Variants in ARHGAP24 observed in about 807,000 individuals in gnomAD.
ARHGAP24 encodes Rho GTPase activating protein 24.
Under a neutral mutation model 76.4 loss-of-function variants are expected in ARHGAP24, and 50 were observed. That is an observed-to-expected ratio of 0.65 (90% CI 0.52 to 0.83). The LOEUF (loss-of-function observed/expected upper bound fraction) is 0.83, where lower values mean the gene tolerates loss of function less well. Ranked by LOEUF, ARHGAP24 falls within the 40% of genes least tolerant of loss-of-function variation. The probability of loss-of-function intolerance (pLI) is 0.00; values close to 1 mark genes in which losing one functional copy is unlikely to be tolerated. For synonymous variants in ARHGAP24, 345 were observed against 323.3 expected, an observed-to-expected ratio of 1.07 and a Z score of -0.72; for missense variants, 930 against 914.2, an observed-to-expected ratio of 1.02 and a Z score of -0.22.
chr4:85,674,022 T>G (rs1722893647), intron 2 of ARHGAP24, among the ~76,000 whole-genome samples: 1 of 152,130 alleles, frequency 6.6e-6, no homozygotes, highest in Non-Finnish European at 1.5e-5. Context: ...TCATGATGTC[T>G]TACACTAGCC....
At chr4:85,723,721 C>T (rs1295888112) in intron 3 of ARHGAP24, 1 of 152,120 alleles carries the variant, frequency 6.6e-6, no homozygotes, top group African/African-American at 2.4e-5. Context: ...AGAAGTGTTC[C>T]AAATGTATCT....
intron 3 of ARHGAP24, among the ~76,000 whole-genome samples, chr4:85,785,297 TA>T (rs1169697148): frequency 1.4e-4 from 22 of 152,352 alleles, no homozygotes; most frequent in African/African-American, 5.3e-4. Flanking sequence ...GAATCAAATT[TA>T]TCTTAAAGAG....
chr4:85,839,931 C>T (rs886757716), intron 3 of ARHGAP24, among the ~76,000 whole-genome samples: 2 of 139,490 alleles, frequency 1.4e-5, no homozygotes, highest in African/African-American at 5.2e-5. Context: ...CTCACTGCAA[C>T]CTCTGCCTCC....
At chr4:85,477,885 C>A (rs1395617690) in intron 1 of ARHGAP24, among the ~76,000 whole-genome samples, 2 of 152,174 alleles carry the variant, frequency 1.3e-5, no homozygotes, top group Non-Finnish European at 2.9e-5. Flanking sequence ...GCTGTAGCAC[C>A]GTCTTAGTCG....
rs1433302211 is a variant in ARHGAP24 at position 85,664,410 on chromosome 4, G to T, written c.181-57475G>T. Among the ~76,000 whole-genome samples, 417 of 146,534 alleles carry T rather than the reference G, an allele frequency of 2.8e-3. 3 individuals carry two copies. The highest frequency in any genetic ancestry group is 0.011 in the African/African-American group (387 of 36,354). On this transcript the variant is annotated intron_variant, in intron 2 of 9. Transcript: ENST00000395184. The stretch of plus-strand genomic sequence containing the variant: ...ATTTGATTCTTCTCTCTTTTCTTCT[G>T]TATTAGTCTTGCTAGCAGTCTATCA...
At chr4:85,552,070 G>C (rs1726162492) in intron 1 of ARHGAP24, among the ~76,000 whole-genome samples, 1 of 151,920 alleles carries the variant, frequency 6.6e-6, no homozygotes, top group Non-Finnish European at 1.5e-5. Context: ...TAGCTTTTGG[G>C]TTGGTTTGCT....
chr4:85,953,727 A>G (rs346489), intron 5 of ARHGAP24, among the ~76,000 whole-genome samples: 92,203 of 151,690 alleles, frequency 0.61, 28,484 homozygotes, highest in East Asian at 0.81. Flanking sequence ...CAGCAGAGAG[A>G]CTGGCAGAGA....
chr4:85,635,306 C>A lies in ARHGAP24; in HGVS notation c.180+64585C>A, dbSNP rs180753440. ...TTTTAATCAGGAAAGACCTTATTAA[C>A]ACATTCATCCCCAACCTCTCCATTA... On this transcript the variant is annotated intron_variant, in intron 2 of 9. Coordinates refer to ENST00000395184, the MANE Select transcript of ARHGAP24 (RefSeq NM_001025616.3). 2.5e-3 allele frequency among the ~76,000 whole-genome samples: 386 copies of A among 151,764 alleles called. 1 individual carries two copies. Among genetic ancestry groups the A allele is most frequent in the Middle Eastern group, 0.01 (3 of 294 alleles).
At chr4:85,584,678 C>A (rs1408371869) in intron 2 of ARHGAP24, among the ~76,000 whole-genome samples, 1 of 151,738 alleles carries the variant, frequency 6.6e-6, no homozygotes, top group Non-Finnish European at 1.5e-5. Context: ...AAAAATAAGT[C>A]CAGGAAGGAA....
intron 5 of ARHGAP24, among the ~76,000 whole-genome samples, chr4:85,968,661 G>T (rs1180168880): frequency 6.6e-6 from 1 of 152,026 alleles, no homozygotes; most frequent in East Asian, 1.9e-4. Context: ...ACATGTGACT[G>T]AGAACCTCTT....
At chr4:85,853,211 G>A (rs766737743) in intron 3 of ARHGAP24, among the ~76,000 whole-genome samples, 7 of 152,188 alleles carry the variant, frequency 4.6e-5, no homozygotes, top group Non-Finnish European at 7.3e-5. Flanking sequence ...CCAGGCTGCC[G>A]CCTGGCAGTT....
intron 3 of ARHGAP24, among the ~76,000 whole-genome samples, chr4:85,741,333 C>G (rs1370164547): frequency 6.6e-6 from 1 of 152,148 alleles, no homozygotes; most frequent in East Asian, 1.9e-4. Context: ...ATGGTGCTAT[C>G]TTACTAAATT....
rs1730444860 is a variant in ARHGAP24, at chr4:85,839,009, G to T, written c.269-84639G>T. 2.6e-5 allele frequency among the ~76,000 whole-genome samples: 4 copies of T among 152,276 alleles called. No homozygotes were observed. In the South Asian group the frequency reaches 8.3e-4, roughly 32 times the overall value. On this transcript the variant is annotated intron_variant, in intron 3 of 9. Transcript: ENST00000395184. Reference sequence around the variant, plus strand: ...TGCCACAACCTGAGCATTGTTCATGGCATTTTCATGAGCAACTAATTACCT... The same window carrying T: ...TGCCACAACCTGAGCATTGTTCATGTCATTTTCATGAGCAACTAATTACCT...
intron 5 of ARHGAP24, among the ~76,000 whole-genome samples, chr4:85,960,781 A>G (rs548530832): frequency 7.2e-5 from 11 of 152,210 alleles, no homozygotes; most frequent in African/African-American, 2.6e-4. Context: ...TCTAAGGCCA[A>G]ATGCCTGCCT....
At chr4:85,704,662 C>G (rs534680389) in intron 2 of ARHGAP24, among the ~76,000 whole-genome samples, 10 of 152,202 alleles carry the variant, frequency 6.6e-5, no homozygotes, top group Non-Finnish European at 1.3e-4. Context: ...TTTTTAACAA[C>G]TTAGTAATAA....
At position 85,755,637 on chromosome 4, in the gene ARHGAP24, T is replaced by TTTTTTTG. The variant is rs1553927694; in HGVS notation, c.268+33668_268+33669insTTTGTTT. 1.0e-3 allele frequency among the ~76,000 whole-genome samples: 68 copies of TTTTTTTG among 65,284 alleles called. 11 individuals carry two copies. The highest frequency in any genetic ancestry group is 7.6e-3 in the Middle Eastern group (1 of 132). 42.8% of individuals were successfully genotyped at this position (65,284 alleles called of 152,430 possible). On this transcript the variant is annotated intron_variant, in intron 3 of 9. Coordinates refer to ENST00000395184, the MANE Select transcript of ARHGAP24 (RefSeq NM_001025616.3). Reference sequence around the variant, plus strand: ...GCTTCTATTCTTTTGTTTTGTTTTGTTTTGTTTTGTTTTGAGACGGAGTCT... The same window carrying TTTTTTTG: ...GCTTCTATTCTTTTGTTTTGTTTTGTTTTTTTGTTTGTTTTGTTTTGAGACGGAGTCT...
intron 2 of ARHGAP24, among the ~76,000 whole-genome samples, chr4:85,681,213 T>C (rs1161262694): frequency 6.6e-6 from 1 of 152,190 alleles, no homozygotes; most frequent in African/African-American, 2.4e-5. Context: ...ATAAGAATTG[T>C]CTATTGCATT....
At chr4:85,665,223 G>T (rs1396166670) in intron 2 of ARHGAP24, among the ~76,000 whole-genome samples, 1 of 152,124 alleles carries the variant, frequency 6.6e-6, no homozygotes, top group Non-Finnish European at 1.5e-5. Flanking sequence ...ATATATTTAG[G>T]ATAGTTAGCT....
At chr4:85,932,010 CA>C (rs1409900175) in intron 4 of ARHGAP24, among the ~76,000 whole-genome samples, 1 of 151,786 alleles carries the variant, frequency 6.6e-6, no homozygotes, top group African/African-American at 2.4e-5. Context: ...TAAGAAAAAT[CA>C]AAATTACAAA....
Sources: allele counts gnomAD v4.1 joint callset (sites outside exome capture counted in the v4.1 genomes callset), GRCh38; gene constraint gnomAD v4.1.1; transcripts MANE v1.5; gene names NCBI Gene and HGNC (gene_info 2026-07-23, HGNC 2026-07-21).